Variants in SLC25A48 observed in about 807,000 individuals in gnomAD.
SLC25A48 encodes the protein CTC-321K16.1.
A neutral mutation model predicts 32.2 loss-of-function variants in SLC25A48; 29 were observed. That is an observed-to-expected ratio of 0.90 (90% CI 0.67 to 1.23). The LOEUF is 1.23. SLC25A48 is among the 50% of genes most tolerant of loss of function. The pLI is 0.00. For missense variants in SLC25A48, 399 were observed against 422.7 expected (o/e 0.94, Z 0.49); for synonymous variants, 164 against 172.3 (o/e 0.95, Z 0.38).
At chr5:135,868,569 T>C (rs982225071) in intron 4 of SLC25A48, among the ~76,000 whole-genome samples, 2 of 152,168 alleles carry the variant, frequency 1.3e-5, no homozygotes, top group Non-Finnish European at 2.9e-5. Flanking sequence ...TCAACATATT[T>C]AGGGGTAAAG....
chr5:135,784,734 T>C (rs1756794609), intron 3 of SLC25A48, among the ~76,000 whole-genome samples: 1 of 118,256 alleles, frequency 8.5e-6, no homozygotes. Flanking sequence ...CCATAGTATT[T>C]TTCCTAATAC....
intron 1 of SLC25A48, among the ~76,000 whole-genome samples, chr5:135,584,049 A>ATG (rs1403663631): frequency 1.1e-4 from 16 of 152,232 alleles, no homozygotes; most frequent in Non-Finnish European, 1.9e-4. Flanking sequence ...AGAGAAAATG[A>ATG]TGTGGGGGAC....
chr5:135,685,348 A>G (rs1390350398), intron 3 of SLC25A48, among the ~76,000 whole-genome samples: 1 of 151,012 alleles, frequency 6.6e-6, no homozygotes. Context: ...TTATATATTA[A>G]GAAAATTCGA....
At chr5:135,698,634 G>A (rs910977036) in intron 3 of SLC25A48, among the ~76,000 whole-genome samples, 4 of 151,864 alleles carry the variant, frequency 2.6e-5, no homozygotes, top group Admixed American at 1.3e-4. Context: ...TATAATCTTG[G>A]GGTAAGCAAA....
chr5:135,841,753 G>A (rs2126702180), intron 1 of SLC25A48, among the ~76,000 whole-genome samples: 1 of 152,230 alleles, frequency 6.6e-6, no homozygotes, highest in South Asian at 2.1e-4. Context: ...ACTTCATTAA[G>A]TATGAATTCA....
intron 1 of SLC25A48, among the ~76,000 whole-genome samples, chr5:135,584,464 A>G (rs138597977): frequency 1.3e-5 from 2 of 152,376 alleles, no homozygotes; most frequent in East Asian, 1.9e-4. Flanking sequence ...GTCCCACTCA[A>G]TGAGGAAATG....
chr5:135,850,400 C>T (rs1759751623), intron 2 of SLC25A48, 25 bp from the exon 3 acceptor site: 3 of 1,613,272 alleles, frequency 1.9e-6, no homozygotes, highest in Non-Finnish European at 2.5e-6. Flanking sequence ...TCTGCGCTGA[C>T]CCATGTCCTT....
At chr5:135,767,262 T>C (rs1756263357) in intron 3 of SLC25A48, among the ~76,000 whole-genome samples, 1 of 151,504 alleles carries the variant, frequency 6.6e-6, no homozygotes, top group Non-Finnish European at 1.5e-5. Flanking sequence ...GGGGTGGTCT[T>C]CATATGGTTC....
chr5:135,842,349 A>G (rs1055344212), intron 1 of SLC25A48, 67 bp from the exon 2 acceptor site: 2 of 1,554,042 alleles, frequency 1.3e-6, no homozygotes, highest in African/African-American at 2.7e-5. Flanking sequence ...GTTTTGTCCC[A>G]AGAGCTGGCT....
At chr5:135,883,454 A>T in intron 7 of SLC25A48, 1 of 985,446 alleles carries the variant, frequency 1.0e-6, no homozygotes, top group East Asian at 1.1e-4. Context: ...AAACCTCTTC[A>T]CATTGTTTCT....
chr5:135,665,482 T>G (rs1753500394), intron 3 of SLC25A48, among the ~76,000 whole-genome samples: 1 of 152,132 alleles, frequency 6.6e-6, no homozygotes, highest in African/African-American at 2.4e-5. Context: ...TGCATTTGCT[T>G]TGGGGTCTTA....
intron 3 of SLC25A48, among the ~76,000 whole-genome samples, chr5:135,654,155 A>T (rs576219931): frequency 9.8e-4 from 150 of 152,322 alleles, no homozygotes; most frequent in African/African-American, 3.5e-3. Flanking sequence ...AGTACGGGTT[A>T]CTAGGTACAA....
chr5:135,699,958 C>A (rs968403221), intron 3 of SLC25A48, among the ~76,000 whole-genome samples: 5 of 152,206 alleles, frequency 3.3e-5, no homozygotes, highest in African/African-American at 1.2e-4. Flanking sequence ...TACAAAGCCA[C>A]TGAATGGTGG....
intron 3 of SLC25A48, among the ~76,000 whole-genome samples, chr5:135,651,733 T>G (rs527955293): frequency 6.6e-6 from 1 of 152,226 alleles, no homozygotes; most frequent in Non-Finnish European, 1.5e-5. Flanking sequence ...TTTGTCCTCA[T>G]TGGACCTTAT....
At chr5:135,589,869 T>G (rs1751469572) in intron 1 of SLC25A48, among the ~76,000 whole-genome samples, 2 of 152,078 alleles carry the variant, frequency 1.3e-5, no homozygotes. Flanking sequence ...TAATTTTTTG[T>G]ATTTTTAGTA....
At chr5:135,789,840 C>A (rs1015492169) in intron 3 of SLC25A48, among the ~76,000 whole-genome samples, 4 of 151,956 alleles carry the variant, frequency 2.6e-5, no homozygotes, top group Non-Finnish European at 4.4e-5. Context: ...TAAGCTATAA[C>A]AGTTTCCTAG....
At chr5:135,615,598 G>A (rs1298515034) in intron 1 of SLC25A48, among the ~76,000 whole-genome samples, 1 of 152,196 alleles carries the variant, frequency 6.6e-6, no homozygotes, top group Non-Finnish European at 1.5e-5. Flanking sequence ...ATATTTAAAA[G>A]GGAAGCAGAG....
chr5:135,831,892 G>A (rs1006671177), upstream of SLC25A48, among the ~76,000 whole-genome samples: 5 of 152,336 alleles, frequency 3.3e-5, no homozygotes, highest in East Asian at 9.6e-4. Context: ...ATCCAGGCAG[G>A]GCAGTGGCAC....
chr5:135,865,178 G>T (rs1761091095), intron 4 of SLC25A48, among the ~76,000 whole-genome samples: 1 of 152,178 alleles, frequency 6.6e-6, no homozygotes, highest in African/African-American at 2.4e-5. Context: ...TGAATCTCTT[G>T]CATGGGGTTG....
Sources: allele counts gnomAD v4.1 joint callset (sites outside exome capture counted in the v4.1 genomes callset), GRCh38; gene constraint gnomAD v4.1.1; transcripts MANE v1.5; gene names NCBI Gene and HGNC (gene_info 2026-07-23, HGNC 2026-07-21).